STARD13: variants seen among roughly 807,000 people sequenced by gnomAD.
STARD13 encodes stAR-related lipid transfer protein 13.
In STARD13, 62 loss-of-function variants were observed where a neutral mutation model predicts 106.4. That is an observed-to-expected ratio of 0.58 (90% CI 0.48 to 0.72). STARD13 has a LOEUF of 0.72. Ranked by LOEUF, STARD13 falls within the 30% of genes least tolerant of loss-of-function variation. The probability of loss-of-function intolerance (pLI) is 0.00; values close to 1 mark genes in which losing one functional copy is unlikely to be tolerated. For missense variants in STARD13, 1,387 were observed against 1,424.0 expected (o/e 0.97, Z 0.42); for synonymous variants, 565 against 553.0 (o/e 1.02, Z -0.31).
At chr13:33,486,455 A>G in the STARD13 span, among the ~76,000 whole-genome samples, 1 of 152,202 alleles carries the variant, frequency 6.6e-6, no homozygotes, top group African/African-American at 2.4e-5. Flanking sequence ...ATTAACAACA[A>G]TATCTAATTA....
intron 7 of STARD13, among the ~76,000 whole-genome samples, chr13:33,122,350 G>A (rs1412564869): frequency 6.6e-6 from 1 of 152,232 alleles, no homozygotes; most frequent in African/African-American, 2.4e-5. Context: ...TTCGTTATGA[G>A]GAAGATCCCA....
At chr13:33,472,145 T>G in the STARD13 span, among the ~76,000 whole-genome samples, 9 of 152,100 alleles carry the variant, frequency 5.9e-5, no homozygotes, top group African/African-American at 2.2e-4. Context: ...TATTTAGAAC[T>G]TTGTCATCAG....
chr13:33,321,151 T>G (rs988817730), intron 1 of STARD13, among the ~76,000 whole-genome samples: 2 of 152,180 alleles, frequency 1.3e-5, no homozygotes, highest in African/African-American at 2.4e-5. Context: ...TTTGTTCTTT[T>G]GTAGACAGCA....
At chr13:33,116,258 G>A (rs980035929) in intron 8 of STARD13, among the ~76,000 whole-genome samples, 11 of 152,298 alleles carry the variant, frequency 7.2e-5, no homozygotes, top group South Asian at 4.1e-4. Context: ...TACCCAAAAT[G>A]TGTTCCTCAC....
chr13:33,538,602 C>T, the STARD13 span, among the ~76,000 whole-genome samples: 2 of 151,196 alleles, frequency 1.3e-5, no homozygotes, highest in Admixed American at 6.6e-5. Context: ...ACAAATACTT[C>T]CATAAAGTAA....
At chr13:33,142,177 G>A (rs986684112) in intron 4 of STARD13, 133 bp downstream of exon 4, 12 of 700,204 alleles carry the variant, frequency 1.7e-5, no homozygotes, top group African/African-American at 5.4e-5. Flanking sequence ...ACAGGCACAA[G>A]CCACTGTGCC....
Position 33,127,552 on chromosome 13 carries a change from CCAGAGAGACCAT to C in STARD13, c.1749-18_1749-7del. The C allele has an allele frequency of 6.5e-7, 1 of 1,527,900 alleles. No homozygotes were observed. The highest frequency in any genetic ancestry group is 8.7e-7 in the Non-Finnish European group (1 of 1,146,104). The allele number at this position is 1,527,900 out of a possible 1,614,324, so 94.6% of individuals were successfully genotyped here. ...AACTGTTCCATCGGAGTCGCCTTTA[CCAGAGAGACCAT>C]CAGAGAAGCCAGTCACAAAGTGGAC... On this transcript the variant is annotated splice_polypyrimidine_tract_variant and splice_region_variant and intron_variant, in intron 5 of 13. Transcript: ENST00000336934.
intron 1 of STARD13, among the ~76,000 whole-genome samples, chr13:33,228,794 C>T (rs1308804243): frequency 1.3e-5 from 2 of 151,942 alleles, no homozygotes; most frequent in African/African-American, 4.8e-5. Context: ...AGTCTGATAA[C>T]CAAAAAGGCC....
the STARD13 span, among the ~76,000 whole-genome samples, chr13:33,626,460 C>A: frequency 1.3e-5 from 2 of 152,252 alleles, no homozygotes; most frequent in South Asian, 2.1e-4. Flanking sequence ...TTGGTGAAAT[C>A]TTCACCTACC....
intron 6 of STARD13, among the ~76,000 whole-genome samples, chr13:33,126,717 A>G (rs1877225464): frequency 6.6e-6 from 1 of 152,256 alleles, no homozygotes; most frequent in African/African-American, 2.4e-5. Flanking sequence ...ACAGAAGCAT[A>G]TATTGATTTG....
intron 4 of STARD13, among the ~76,000 whole-genome samples, chr13:33,134,409 G>A (rs1878779500): frequency 1.3e-5 from 2 of 152,196 alleles, no homozygotes; most frequent in South Asian, 4.1e-4. Flanking sequence ...GCTACAGAGA[G>A]TTTTGTCAGT....
chr13:33,346,456 C>A (rs1323892817), downstream of STARD13, among the ~76,000 whole-genome samples: 7 of 152,164 alleles, frequency 4.6e-5, no homozygotes, highest in African/African-American at 1.7e-4. Flanking sequence ...AATAGCTCTA[C>A]TTCTTTTTGT....
chr13:33,653,884 C>G, the STARD13 span, among the ~76,000 whole-genome samples: 4 of 152,128 alleles, frequency 2.6e-5, no homozygotes, highest in Non-Finnish European at 5.9e-5. Flanking sequence ...AAATAGACAT[C>G]TTCCTAAATA....
the STARD13 span, chr13:33,519,997 T>A: frequency 6.6e-6 from 1 of 152,190 alleles, no homozygotes; most frequent in Non-Finnish European, 1.5e-5. Context: ...CTAAATATCC[T>A]CTTCTCATAG....
the STARD13 span, among the ~76,000 whole-genome samples, chr13:33,600,188 G>T: frequency 6.6e-6 from 1 of 152,104 alleles, no homozygotes; most frequent in Non-Finnish European, 1.5e-5. Context: ...CACTGATCTG[G>T]ATTCAAAAAA....
intron 1 of STARD13, among the ~76,000 whole-genome samples, chr13:33,325,984 A>AAC (rs1566140206): frequency 0.18 from 414 of 2,314 alleles, 4 homozygotes; most frequent in Admixed American, 0.31. Context: ...GACTCCGTTT[A>AAC]AAAAAAAAAA....
chr13:33,587,862 G>A, the STARD13 span, among the ~76,000 whole-genome samples: 99 of 152,242 alleles, frequency 6.5e-4, no homozygotes, highest in African/African-American at 2.3e-3. Context: ...CTAAAAAGAA[G>A]TGTATAAAAA....
the STARD13 span, among the ~76,000 whole-genome samples, chr13:33,558,326 T>TTTTAAAAATATTTAAAATATTTAAAA: frequency 5.9e-5 from 9 of 152,052 alleles, no homozygotes; most frequent in African/African-American, 9.7e-5. Context: ...TAAGGTTAAA[T>TTTTAAAAATATTTAAAATATTTAAAA]AAGTCAATAT....
At chr13:33,452,225 G>A in the STARD13 span, among the ~76,000 whole-genome samples, 1 of 152,090 alleles carries the variant, frequency 6.6e-6, no homozygotes, top group Admixed American at 6.6e-5. Flanking sequence ...TGTGGATAAT[G>A]ACAGTCTGGC....
Sources: gnomAD v4.1 joint callset for allele counts (sites outside exome capture counted in the v4.1 genomes callset) on GRCh38, gnomAD v4.1.1 for gene constraint, MANE v1.5 for transcripts, NCBI Gene and HGNC (gene_info 2026-07-23, HGNC 2026-07-21) for gene names.